The following SCAPER variants were observed in gnomAD, a reference collection of about 807,000 sequenced individuals.
SCAPER encodes the protein S phase cyclin A-associated protein in the endoplasmic reticulum.
In SCAPER, 98 loss-of-function variants were observed where a neutral mutation model predicts 182.2. That is an observed-to-expected ratio of 0.54 (90% CI 0.46 to 0.64). SCAPER has a LOEUF of 0.64. SCAPER is among the 30% of genes least tolerant of loss of function. The probability of loss-of-function intolerance (pLI) is 0.00; values close to 1 mark genes in which losing one functional copy is unlikely to be tolerated. For synonymous variants in SCAPER, 605 were observed against 564.6 expected, an observed-to-expected ratio of 1.07 and a Z score of -1.01; for missense variants, 1,432 against 1,690.0, an observed-to-expected ratio of 0.85 and a Z score of 2.68.
chr15:76,454,672 T>C (rs1018203339), intron 25 of SCAPER, among the ~76,000 whole-genome samples: 16 of 152,190 alleles, frequency 1.1e-4, no homozygotes, highest in Non-Finnish European at 1.5e-4. Flanking sequence ...GACTGGCTTG[T>C]AATTTTTTTT....
chr15:76,420,272 A>G (rs1030505851), intron 26 of SCAPER, among the ~76,000 whole-genome samples: 1 of 101,610 alleles, frequency 9.8e-6, no homozygotes, highest in African/African-American at 3.9e-5. Flanking sequence ...GATGGGGTCT[A>G]TGTTGCCTAG....
At position 76,665,701 on chromosome 15, in the gene SCAPER, T is replaced by C; in HGVS notation, c.2597A>G (p.Gln866Arg). 6.3e-7 allele frequency: 1 copy of C among 1,577,860 alleles called. No individual in the cohort carries two copies. The highest frequency in any genetic ancestry group is 1.2e-5 in the South Asian group (1 of 85,702). Residue 866 changes from glutamine (Q) to arginine (R), a missense_variant, in exon 21 of 32, where the codon CAA becomes CGA. Around this residue, in one of 5 missense-constraint regions of SCAPER, gnomAD observed 718 missense variants for 799.7 expected, o/e 0.90. Coordinates refer to ENST00000563290, the MANE Select transcript of SCAPER (RefSeq NM_020843.4). Reference protein sequence around the residue: ...AEALKDGEERQKNKKKAKKIK... With the variant: ...AEALKDGEERRKNKKKAKKIK... Reference sequence around the variant, plus strand: ...CTTTTTGGCTTTTTTTTTATTTTTTTGCCGCTCTTCTCCATCTTTCAAAGC... The same window carrying C: ...CTTTTTGGCTTTTTTTTTATTTTTTCGCCGCTCTTCTCCATCTTTCAAAGC...
chr15:76,832,499 C>G (rs1468036178), intron 5 of SCAPER, among the ~76,000 whole-genome samples: 1 of 152,234 alleles, frequency 6.6e-6, no homozygotes, highest in Non-Finnish European at 1.5e-5. Context: ...AAACCTCTAA[C>G]ACACTGGCAT....
Position 76,652,369 on chromosome 15 carries a change from CACATATAT to C in SCAPER, c.2645+13276_2645+13283del, listed in dbSNP as rs1232867740. On this transcript the variant is annotated intron_variant, in intron 21 of 31. Coordinates refer to ENST00000563290, the MANE Select transcript of SCAPER (RefSeq NM_020843.4). ...ACACACACACACACACACACACACACACATATATATATATATATATATATATATATATA... is the reference window on the plus strand; with the variant it reads ...ACACACACACACACACACACACACACATATATATATATATATATATATATA... Among the ~76,000 whole-genome samples the C allele has an allele frequency of 2.8e-3, 38 of 13,684 alleles. 1 individual carries two copies. The highest frequency in any genetic ancestry group is 0.012 in the African/African-American group (36 of 3,088). The allele number at this position is 13,684 out of a possible 152,430, so 9.0% of individuals were successfully genotyped here.
chr15:76,483,588 T>C (rs1271611480), intron 24 of SCAPER, among the ~76,000 whole-genome samples: 6 of 152,014 alleles, frequency 3.9e-5, no homozygotes, highest in Non-Finnish European at 5.9e-5. Flanking sequence ...GAAAAATACA[T>C]GGAAAACACA....
chr15:76,410,252 A>C (rs1188042765), intron 26 of SCAPER, among the ~76,000 whole-genome samples: 1 of 152,186 alleles, frequency 6.6e-6, no homozygotes, highest in Non-Finnish European at 1.5e-5. Context: ...GTCATTATTC[A>C]TCTCACAGTA....
At chr15:76,880,681 G>A (rs752663830) in intron 2 of SCAPER, among the ~76,000 whole-genome samples, 6 of 149,192 alleles carry the variant, frequency 4.0e-5, no homozygotes, top group African/African-American at 1.5e-4. Context: ...AAAAAGAAAC[G>A]AAGATCTCTA....
chr15:76,643,710 T>G lies in SCAPER; in HGVS notation c.2646-21881A>C, dbSNP rs148936114. Among the ~76,000 whole-genome samples, 5 of 152,280 alleles carry G rather than the reference T, an allele frequency of 3.3e-5. No homozygotes were observed. In the East Asian group the frequency reaches 9.6e-4, roughly 29 times the overall value. On this transcript the variant is annotated intron_variant, in intron 21 of 31. Transcript: ENST00000563290. ...AAAACAAACAAACAAAAAGTCATTC[T>G]TTGTTAACCTAAGCTATCCTCATTT...
chr15:76,705,728 AAAGTAAACTTAGTTTCC>A (rs1308609346), intron 18 of SCAPER, among the ~76,000 whole-genome samples, 158 bp downstream of exon 18: 5 of 152,142 alleles, frequency 3.3e-5, no homozygotes, highest in African/African-American at 1.2e-4. Flanking sequence ...CTACCATATC[AAAGTAAACTTAGTTTCC>A]AGGTACTAAG....
intron 20 of SCAPER, among the ~76,000 whole-genome samples, chr15:76,680,737 A>C (rs1284311081): frequency 6.6e-6 from 1 of 152,098 alleles, no homozygotes; most frequent in Non-Finnish European, 1.5e-5. Context: ...TGATCTCTGC[A>C]TGCACCAGCT....
chr15:76,377,751 T>G (rs1385772189), intron 28 of SCAPER, among the ~76,000 whole-genome samples: 1 of 152,232 alleles, frequency 6.6e-6, no homozygotes, highest in East Asian at 1.9e-4. Context: ...GAAAATAATC[T>G]AATGGATAAC....
intron 17 of SCAPER, among the ~76,000 whole-genome samples, chr15:76,709,797 A>G (rs1205723461): frequency 1.3e-5 from 2 of 152,254 alleles, no homozygotes; most frequent in Admixed American, 6.5e-5. Flanking sequence ...AGAAGCCACC[A>G]ACAAATAAAA....
At position 76,880,933 on chromosome 15, in the gene SCAPER, G is replaced by A. The variant is rs191075051; in HGVS notation, c.6+2879C>T. Among the ~76,000 whole-genome samples, 393 of 152,222 alleles carry A rather than the reference G, an allele frequency of 2.6e-3. 1 individual carries two copies. Among genetic ancestry groups the A allele is most frequent in the Non-Finnish European group, 4.3e-3 (291 of 68,010 alleles). On this transcript the variant is annotated intron_variant, in intron 2 of 31. Coordinates refer to ENST00000563290, the MANE Select transcript of SCAPER (RefSeq NM_020843.4). ...TGTTGGTGAGGATGTGGAAAAACTG[G>A]AACCCTTGTGCACTGTTGGTGGGAA... is the stretch of plus-strand genomic sequence containing the variant.
At chr15:76,759,153 T>C (rs892834011) in intron 14 of SCAPER, among the ~76,000 whole-genome samples, 5 of 152,182 alleles carry the variant, frequency 3.3e-5, no homozygotes, top group Admixed American at 1.3e-4. Context: ...TACCAAATCA[T>C]AGAGAAAAAG....
At chr15:76,816,654 ATTT>A (rs34237655) in intron 5 of SCAPER, among the ~76,000 whole-genome samples, 11 of 142,798 alleles carry the variant, frequency 7.7e-5, no homozygotes, top group African/African-American at 1.8e-4. Context: ...CAGTAACATA[ATTT>A]TTTTTTTTTT....
At chr15:76,685,377 T>C (rs2057979838) in intron 20 of SCAPER, among the ~76,000 whole-genome samples, 2 of 151,994 alleles carry the variant, frequency 1.3e-5, no homozygotes, top group African/African-American at 2.4e-5. Flanking sequence ...AATACAACCT[T>C]ATTATTTGTA....
In SCAPER at chr15:76,660,445, C is replaced by G. The variant is rs139357925; in HGVS notation, c.2645+5208G>C. On this transcript the variant is annotated intron_variant, in intron 21 of 31. Coordinates refer to ENST00000563290, the MANE Select transcript of SCAPER (RefSeq NM_020843.4). ...TTTAAAAGGTGTGCTCCCCTCTTCTCTAGGGGGAAAAAAAGGCATACACTC... is the reference window on the plus strand; with the variant it reads ...TTTAAAAGGTGTGCTCCCCTCTTCTGTAGGGGGAAAAAAAGGCATACACTC... Among the ~76,000 whole-genome samples, 409 of 152,010 alleles carry G rather than the reference C, an allele frequency of 2.7e-3. 4 individuals carry two copies. Among genetic ancestry groups the G allele is most frequent in the Non-Finnish European group, 4.8e-3 (323 of 67,950 alleles).
chr15:76,616,367 A>G (rs149419620), intron 22 of SCAPER, among the ~76,000 whole-genome samples: 48 of 152,302 alleles, frequency 3.2e-4, no homozygotes, highest in African/African-American at 1.1e-3. Context: ...TAAGCCTATC[A>G]CAAAAAGACA....
At chr15:76,756,946 C>T (rs940398626) in intron 14 of SCAPER, among the ~76,000 whole-genome samples, 1 of 152,190 alleles carries the variant, frequency 6.6e-6, no homozygotes, top group Non-Finnish European at 1.5e-5. Context: ...GTTATTTCCA[C>T]TTACCGCAAT....
Sources: allele counts gnomAD v4.1 joint callset (sites outside exome capture counted in the v4.1 genomes callset), GRCh38; gene constraint gnomAD v4.1.1; regional missense constraint gnomAD v4.1.1; transcripts MANE v1.5; gene names NCBI Gene and HGNC (gene_info 2026-07-23, HGNC 2026-07-21).